CFAP77: variants seen among roughly 807,000 people sequenced by gnomAD.
CFAP77 encodes the protein cilia- and flagella-associated protein 77.
A neutral mutation model predicts 31.1 loss-of-function variants in CFAP77; 25 were observed. The observed-to-expected ratio is 0.80, with a 90% CI of 0.59 to 1.12. CFAP77 has a LOEUF of 1.12. CFAP77 is among the 50% of genes most tolerant of loss of function. The pLI, the probability that CFAP77 is intolerant of heterozygous loss-of-function variation, is 0.00. For missense variants in CFAP77, 377 were observed against 397.3 expected (o/e 0.95, Z 0.44); for synonymous variants, 151 against 159.9 (o/e 0.94, Z 0.42).
chr9:132,558,308 A>C (rs80311259), intron 5 of CFAP77, among the ~76,000 whole-genome samples: 4,440 of 152,356 alleles, frequency 0.029, 89 homozygotes, highest in Middle Eastern at 0.088. Flanking sequence ...AAACGATACT[A>C]TCAAGAAAAT....
chr9:132,454,196 T>A (rs551313218), intron 1 of CFAP77, among the ~76,000 whole-genome samples: 31 of 152,246 alleles, frequency 2.0e-4, no homozygotes, highest in African/African-American at 7.2e-4. Context: ...TCCTAGTTAT[T>A]ACTGCAGTAT....
chr9:132,572,909 C>T lies in CFAP77; in HGVS notation c.*399C>T, dbSNP rs1829980568. 1 of 194,720 alleles carries T rather than the reference C, an allele frequency of 5.1e-6. No individual in the cohort carries two copies. Among genetic ancestry groups the T allele is most frequent in the East Asian group, 1.3e-4 (1 of 7,958 alleles). The allele number at this position is 194,720 out of a possible 1,614,324, so 12.1% of individuals were successfully genotyped here. A position where few individuals can be genotyped will look rare whatever the true frequency, so the allele number is the denominator to read the frequency against. ...CGACCTGTGTATTTGCTGCAGAAAG[C>T]ATGACAGTGACGTGCTTTGAAAGCC... is the stretch of plus-strand genomic sequence containing the variant. On this transcript the variant is annotated 3_prime_UTR_variant, in exon 6 of 6. Transcript: ENST00000393216.
rs140401529 is a variant in CFAP77, at chr9:132,499,439, C to T, written c.363C>T (p.Ile121=). The change falls in exon 3 of 6, where the codon ATC becomes ATT. Residue 121 remains isoleucine (I), a synonymous_variant. Transcript: ENST00000393216. The surrounding 1 kb of genome is among the most constrained non-coding windows in gnomAD (Gnocchi z 5.4). ...CCCACGAGCTGACCCGGAATTATAT[C>T]GCAATGAACCGCGGGGCGGTGAAAG... ...TCPHELTRNY[I]AMNRGAVKAG... 3.4e-4 allele frequency: 548 copies of T among 1,614,206 alleles called. 2 individuals are homozygous for T. The highest frequency in any genetic ancestry group is 1.3e-3 in the Middle Eastern group (8 of 6,062).
At chr9:132,561,331 C>G (rs1259231841) in intron 5 of CFAP77, among the ~76,000 whole-genome samples, 1 of 151,116 alleles carries the variant, frequency 6.6e-6, no homozygotes, top group African/African-American at 2.4e-5. Flanking sequence ...TTTTTTTTAG[C>G]TCTTTGGCAG....
chr9:132,537,337 T>C (rs192179856), intron 3 of CFAP77, among the ~76,000 whole-genome samples: 9 of 152,216 alleles, frequency 5.9e-5, no homozygotes, highest in Non-Finnish European at 1.5e-5. Context: ...GGATGAGTCC[T>C]AGTGAGAAAG....
At chr9:132,482,337 T>A (rs1359548807) in intron 1 of CFAP77, 1 of 1,613,986 alleles carries the variant, frequency 6.2e-7, no homozygotes, top group African/African-American at 1.3e-5. Context: ...GGTGGGAACC[T>A]CTTATTCTGT....
At chr9:132,538,417 A>T (rs1351535044) in intron 4 of CFAP77, among the ~76,000 whole-genome samples, 2 of 152,234 alleles carry the variant, frequency 1.3e-5, no homozygotes, top group African/African-American at 4.8e-5. Flanking sequence ...AACAAGCAGG[A>T]CGTCAGGGCA....
chr9:132,505,144 C>A (rs1851911935), intron 3 of CFAP77, among the ~76,000 whole-genome samples: 1 of 152,238 alleles, frequency 6.6e-6, no homozygotes, highest in Non-Finnish European at 1.5e-5. Flanking sequence ...TGCTAATGAG[C>A]AGAGGGGTTG....
At chr9:132,571,051 C>T (rs1291545351) in intron 5 of CFAP77, among the ~76,000 whole-genome samples, 2 of 152,116 alleles carry the variant, frequency 1.3e-5, no homozygotes, top group East Asian at 1.9e-4. Flanking sequence ...ATCCTCTCTC[C>T]CCACATTTTT....
intron 1 of CFAP77, among the ~76,000 whole-genome samples, chr9:132,462,090 A>G (rs971915386): frequency 8.5e-5 from 13 of 152,114 alleles, no homozygotes; most frequent in African/African-American, 2.9e-4. Context: ...AGCGATTAGT[A>G]ACTGTAACAC....
At chr9:132,514,960 C>T (rs1239814544) in intron 3 of CFAP77, among the ~76,000 whole-genome samples, 1 of 152,132 alleles carries the variant, frequency 6.6e-6, no homozygotes, top group Admixed American at 6.5e-5. Flanking sequence ...AGAGCTCAGC[C>T]CCCCAGCCCG....
At chr9:132,523,460 T>C (rs1326207419) in intron 3 of CFAP77, among the ~76,000 whole-genome samples, 1 of 152,268 alleles carries the variant, frequency 6.6e-6, no homozygotes, top group African/African-American at 2.4e-5. Context: ...CCCTGACTTC[T>C]TGTTTTACAC....
intron 1 of CFAP77, among the ~76,000 whole-genome samples, chr9:132,422,104 G>A (rs1389632251): frequency 6.6e-6 from 1 of 152,036 alleles, no homozygotes; most frequent in Non-Finnish European, 1.5e-5. Flanking sequence ...CGCCACCCAG[G>A]TTCAAGTGAT....
At chr9:132,419,604 A>G (rs1589838947) in intron 1 of CFAP77, among the ~76,000 whole-genome samples, 1 of 152,264 alleles carries the variant, frequency 6.6e-6, no homozygotes, top group South Asian at 2.1e-4. Context: ...AAATGCCATC[A>G]TAATATTCCC....
At chr9:132,411,269 A>G (rs1849993227) in intron 1 of CFAP77, among the ~76,000 whole-genome samples, 1 of 152,170 alleles carries the variant, frequency 6.6e-6, no homozygotes, top group South Asian at 2.1e-4. Flanking sequence ...GCCTTTAAAA[A>G]TGCGCCCCGC....
intron 1 of CFAP77, among the ~76,000 whole-genome samples, chr9:132,431,173 G>A (rs1564201598): frequency 6.6e-6 from 1 of 152,172 alleles, no homozygotes; most frequent in East Asian, 1.9e-4. Flanking sequence ...GCCCAAATAA[G>A]GCTAAAATAA....
intron 3 of CFAP77, among the ~76,000 whole-genome samples, chr9:132,519,344 G>C (rs879556665): frequency 0.12 from 281 of 2,326 alleles, no homozygotes; most frequent in Admixed American, 0.13. Context: ...GGATGGGTGG[G>C]TGGGCAAGTG....
At chr9:132,423,210 C>T (rs1345232098) in intron 1 of CFAP77, among the ~76,000 whole-genome samples, 2 of 152,212 alleles carry the variant, frequency 1.3e-5, no homozygotes, top group Non-Finnish European at 2.9e-5. Context: ...GCCTGTTGGG[C>T]GAACCTGAAA....
At chr9:132,427,194 TTC>T (rs1389364976) in intron 1 of CFAP77, among the ~76,000 whole-genome samples, 6 of 152,352 alleles carry the variant, frequency 3.9e-5, no homozygotes, top group Non-Finnish European at 4.4e-5. Flanking sequence ...GCCCCGATTC[TTC>T]TCTCCTCTAT....
Sources: gnomAD v4.1 joint callset for allele counts (sites outside exome capture counted in the v4.1 genomes callset) on GRCh38, gnomAD v4.1.1 for gene constraint, Gnocchi (gnomAD v3.1) non-coding constraint, MANE v1.5 for transcripts, NCBI Gene and HGNC (gene_info 2026-07-23, HGNC 2026-07-21) for gene names.